Variants in GSK3B observed in about 807,000 individuals in gnomAD.
GSK3B encodes glycogen synthase kinase-3 beta.
GSK3B carries 15 observed loss-of-function variants against 56.4 expected under a neutral mutation model. The observed-to-expected ratio is 0.27, with a 90% CI of 0.18 to 0.41. The LOEUF (loss-of-function observed/expected upper bound fraction) is 0.41. GSK3B is among the 10% of genes least tolerant of loss of function. The pLI, the probability that GSK3B is intolerant of heterozygous loss-of-function variation, is 1.00. For missense variants in GSK3B, 300 were observed against 513.4 expected (o/e 0.58, Z 4.02); for synonymous variants, 181 against 188.9 (o/e 0.96, Z 0.34).
At chr3:120,080,266 G>A (rs2058407207) in intron 1 of GSK3B, among the ~76,000 whole-genome samples, 1 of 151,798 alleles carries the variant, frequency 6.6e-6, no homozygotes, top group South Asian at 2.1e-4. Context: ...ACTACAATCT[G>A]ATAAACAGAG....
chr3:119,848,905 A>T (rs2055891795), intron 9 of GSK3B, among the ~76,000 whole-genome samples: 1 of 152,180 alleles, frequency 6.6e-6, no homozygotes, highest in Non-Finnish European at 1.5e-5. Flanking sequence ...AAGACAGTTG[A>T]AGATACTGCC....
intron 1 of GSK3B, among the ~76,000 whole-genome samples, chr3:120,063,845 G>A (rs1156915748): frequency 6.6e-6 from 1 of 151,616 alleles, no homozygotes; most frequent in Non-Finnish European, 1.5e-5. Context: ...AAAATTAGCT[G>A]GCATGGTGGT....
chr3:119,963,007 C>A (rs1391756188), intron 2 of GSK3B, among the ~76,000 whole-genome samples: 2 of 152,154 alleles, frequency 1.3e-5, no homozygotes, highest in African/African-American at 2.4e-5. Context: ...AGGCCATGCA[C>A]CACACTGGTC....
intron 2 of GSK3B, among the ~76,000 whole-genome samples, chr3:119,997,106 T>C (rs1229981680): frequency 6.6e-6 from 1 of 152,160 alleles, no homozygotes; most frequent in African/African-American, 2.4e-5. Context: ...AGTTCACCAG[T>C]AACATTTTAA....
intron 1 of GSK3B, among the ~76,000 whole-genome samples, chr3:120,067,209 A>AATAGACG (rs1362912518): frequency 6.7e-6 from 1 of 149,426 alleles, no homozygotes; most frequent in African/African-American, 2.5e-5. Flanking sequence ...TCTTCAAAAG[A>AATAGACG]ATAGACGCAG....
chr3:120,016,209 T>G (rs559188757), intron 1 of GSK3B, among the ~76,000 whole-genome samples: 1 of 152,242 alleles, frequency 6.6e-6, no homozygotes, highest in South Asian at 2.1e-4. Context: ...TTTACTAAAA[T>G]GAAGACCCTA....
At chr3:120,033,823 T>C (rs955745891) in intron 1 of GSK3B, among the ~76,000 whole-genome samples, 2 of 152,154 alleles carry the variant, frequency 1.3e-5, no homozygotes, top group African/African-American at 4.8e-5. Context: ...CACGGTAAGA[T>C]GTGCTTTCTT....
At chr3:119,831,686 G>A (rs1020953918) in intron 10 of GSK3B, among the ~76,000 whole-genome samples, 7 of 151,878 alleles carry the variant, frequency 4.6e-5, no homozygotes, top group South Asian at 2.1e-4. Flanking sequence ...AGAAGAGTGA[G>A]TTTATGATAA....
intron 1 of GSK3B, among the ~76,000 whole-genome samples, chr3:120,034,002 C>T (rs1226321613): frequency 1.3e-5 from 2 of 152,162 alleles, no homozygotes; most frequent in African/African-American, 4.8e-5. Context: ...CACTTATCAA[C>T]CATTATGTAT....
chr3:119,954,302 T>C (rs56125949), intron 2 of GSK3B, among the ~76,000 whole-genome samples: 25 of 97,002 alleles, frequency 2.6e-4, no homozygotes, highest in African/African-American at 7.2e-4. Flanking sequence ...TAGAATAGAA[T>C]AGAAAAGAAA....
Position 119,879,328 on chromosome 3 carries a change from C to T in GSK3B, c.814-2820G>A, listed in dbSNP as rs145386604. Among the ~76,000 whole-genome samples, 257 of 152,088 alleles carry T rather than the reference C, an allele frequency of 1.7e-3. 1 individual carries two copies. Among genetic ancestry groups the T allele is most frequent in the African/African-American group, 6.0e-3 (250 of 41,484 alleles). ...CCCGAGTAGCTGGGACTACAGGTGCCCACCACCACGCCTGGCTAATTTTTT... is the reference window on the plus strand; with the variant it reads ...CCCGAGTAGCTGGGACTACAGGTGCTCACCACCACGCCTGGCTAATTTTTT... On this transcript the variant is annotated intron_variant, in intron 7 of 10. Transcript: ENST00000264235.
chr3:120,088,514 T>C (rs2058484454), intron 1 of GSK3B, among the ~76,000 whole-genome samples: 2 of 152,174 alleles, frequency 1.3e-5, no homozygotes, highest in South Asian at 4.1e-4. Flanking sequence ...ATGATTTGTA[T>C]AACTCAAGAT....
intron 3 of GSK3B, among the ~76,000 whole-genome samples, chr3:119,924,475 A>G (rs1168488760): frequency 6.6e-6 from 1 of 152,252 alleles, no homozygotes; most frequent in Non-Finnish European, 1.5e-5. Flanking sequence ...CAGTGGCCAC[A>G]GCAGAGGAAA....
intron 1 of GSK3B, among the ~76,000 whole-genome samples, chr3:120,076,930 C>G (rs1241826288): frequency 1.3e-5 from 2 of 150,564 alleles, no homozygotes; most frequent in African/African-American, 4.9e-5. Flanking sequence ...CACTTATCAT[C>G]AGAGAAATGG....
intron 3 of GSK3B, among the ~76,000 whole-genome samples, chr3:119,944,605 C>G (rs368053552): frequency 2.6e-5 from 4 of 152,194 alleles, no homozygotes; most frequent in South Asian, 4.1e-4. Flanking sequence ...TCCATGTCTC[C>G]TCCCCACCAA....
Position 119,825,855 on chromosome 3 carries a change from A to G in GSK3B, c.*933T>C, listed in dbSNP as rs1424155387. ...GTAACTTTAGAAAAAAATCTGGACA[A>G]ACTTATTCACAGTGGTGAGATGTAT... On this transcript the variant is annotated 3_prime_UTR_variant, in exon 11 of 11. Transcript: ENST00000264235. 9.1e-6 allele frequency: 2 copies of G among 218,742 alleles called. No homozygotes were observed. The highest frequency in any genetic ancestry group is 1.8e-5 in the Non-Finnish European group (2 of 109,162). 13.6% of individuals were successfully genotyped at this position (218,742 alleles called of 1,614,324 possible).
At chr3:120,003,647 A>G (rs1304335949) in intron 1 of GSK3B, among the ~76,000 whole-genome samples, 1 of 152,214 alleles carries the variant, frequency 6.6e-6, no homozygotes, top group Non-Finnish European at 1.5e-5. Flanking sequence ...GAATATCCAA[A>G]TGCACTAGTG....
intron 9 of GSK3B, among the ~76,000 whole-genome samples, chr3:119,851,881 T>C (rs2055935304): frequency 6.6e-6 from 1 of 152,238 alleles, no homozygotes. Flanking sequence ...TACATTTGTG[T>C]ATTTTTTTAG....
intron 2 of GSK3B, among the ~76,000 whole-genome samples, chr3:119,967,199 C>G (rs1167537000): frequency 6.6e-6 from 1 of 152,068 alleles, no homozygotes; most frequent in South Asian, 2.1e-4. Context: ...CTGCCTCAGC[C>G]TCTGAGTAGC....
Sources: gnomAD v4.1 joint callset for allele counts (sites outside exome capture counted in the v4.1 genomes callset) on GRCh38, gnomAD v4.1.1 for gene constraint, MANE v1.5 for transcripts, NCBI Gene and HGNC (gene_info 2026-07-23, HGNC 2026-07-21) for gene names.